Variants in CACNA1A observed in about 807,000 individuals in gnomAD.
CACNA1A encodes calcium voltage-gated channel subunit alpha1 A.
In CACNA1A, 57 loss-of-function variants were observed where a neutral mutation model predicts 262.4. That is an observed-to-expected ratio of 0.22 (90% CI 0.18 to 0.27). The LOEUF is 0.27. Ranked by LOEUF, CACNA1A falls within the 10% of genes least tolerant of loss-of-function variation. CACNA1A has a pLI of 1.00. For missense variants in CACNA1A, 2,526 were observed against 3,562.8 expected (o/e 0.71, Z 7.41); for synonymous variants, 1,431 against 1,419.3 (o/e 1.01, Z -0.18).
chr19:13,452,864 C>G lies in CACNA1A; in HGVS notation c.539+12G>C, dbSNP rs148855231. On this transcript the variant is annotated intron_variant, in intron 3 of 46. Coordinates refer to ENST00000360228, the MANE Select transcript of CACNA1A (RefSeq NM_001127222.2). Reference sequence around the variant, plus strand: ...CTAGTTAAATCCAAAGCGTATAGCACGCGCCACTTACCCCGTTAGCACCAC... The same window carrying G: ...CTAGTTAAATCCAAAGCGTATAGCAGGCGCCACTTACCCCGTTAGCACCAC... 2 of 1,612,488 alleles carry G rather than the reference C, an allele frequency of 1.2e-6. No homozygotes were observed. The highest frequency in any genetic ancestry group is 1.7e-6 in the Non-Finnish European group (2 of 1,178,908).
chr19:13,230,985 ATG>A, intron 35 of CACNA1A, among the ~76,000 whole-genome samples: 1 of 142,358 alleles, frequency 7.0e-6, no homozygotes, highest in Non-Finnish European at 1.5e-5. Flanking sequence ...TTCCCTCGCA[ATG>A]TTTTTTTTTT....
At chr19:13,245,055 T>C in intron 31 of CACNA1A, 127 bp downstream of exon 31, 4 of 784,052 alleles carry the variant, frequency 5.1e-6, no homozygotes, top group South Asian at 3.1e-5. Flanking sequence ...TCTCTGGTCA[T>C]GGCCAAGTGC....
At chr19:13,342,142 A>T (rs1013879533) in intron 6 of CACNA1A, among the ~76,000 whole-genome samples, 2 of 151,854 alleles carry the variant, frequency 1.3e-5, no homozygotes, top group Non-Finnish European at 2.9e-5. Flanking sequence ...TGGAATCAAC[A>T]ATTCCCAGGG....
intron 1 of CACNA1A, among the ~76,000 whole-genome samples, chr19:13,482,721 C>T (rs1391995386): frequency 3.3e-5 from 5 of 152,126 alleles, no homozygotes; most frequent in Non-Finnish European, 5.9e-5. Context: ...GGGGGGCTGA[C>T]CTGTGTGGAT....
At chr19:13,452,098 G>A (rs2060926926) in intron 3 of CACNA1A, 1 of 152,138 alleles carries the variant, frequency 6.6e-6, no homozygotes, top group African/African-American at 2.4e-5. Context: ...GCCTCCCAAA[G>A]TGCTGAGATT....
At chr19:13,291,685 T>C (rs1290810664) in intron 19 of CACNA1A, among the ~76,000 whole-genome samples, 1 of 151,254 alleles carries the variant, frequency 6.6e-6, no homozygotes, top group Non-Finnish European at 1.5e-5. Flanking sequence ...CACGAGACTG[T>C]TGTTCCAGTT....
intron 38 of CACNA1A, among the ~76,000 whole-genome samples, chr19:13,216,595 T>C (rs2055017686): frequency 6.6e-6 from 1 of 152,180 alleles, no homozygotes; most frequent in Non-Finnish European, 1.5e-5. Context: ...CCCAAAGTGC[T>C]GGGATTACAG....
Position 13,284,300 on chromosome 19 carries a change from G to A in CACNA1A, c.3692+768C>T, listed in dbSNP as rs906213313. The A allele has an allele frequency of 4.6e-5, 7 of 152,182 alleles. No individual in the cohort carries two copies. The South Asian group carries it at 6.2e-4, about 14-fold the overall frequency. The allele number at this position is 152,182 out of a possible 1,614,324, so 9.4% of individuals were successfully genotyped here. A position where few individuals can be genotyped will look rare whatever the true frequency, so the allele number is the denominator to read the frequency against. ...CTGGCACTGAGTAGATACCACATAAGTGTTTCCTTAGTAAAATCGATAAGT... is the reference window on the plus strand; with the variant it reads ...CTGGCACTGAGTAGATACCACATAAATGTTTCCTTAGTAAAATCGATAAGT... On this transcript the variant is annotated intron_variant, in intron 21 of 46. Transcript: ENST00000360228.
Position 13,241,558 on chromosome 19 carries a change from G to A in CACNA1A, c.4950+3624C>T, listed in dbSNP as rs376074211. ...GCAGATGTTGAAGATGAGGGGGAGC[G>A]GGCGGGCGGGGGCAGTTGGGGAGGC... On this transcript the variant is annotated intron_variant, in intron 31 of 46. Transcript: ENST00000360228. This position sits in a 1 kb window ranked among gnomAD's most constrained non-coding sequence, Gnocchi z 4.0. 9.9e-5 allele frequency: 119 copies of A among 1,202,094 alleles called. 2 individuals carry two copies. The Admixed American group carries it at 1.3e-3, about 13-fold the overall frequency. 74.5% of individuals were successfully genotyped at this position (1,202,094 alleles called of 1,614,324 possible). A position where few individuals can be genotyped will look rare whatever the true frequency, so the allele number is the denominator to read the frequency against.
At chr19:13,491,565 G>A (rs1980885245) in intron 1 of CACNA1A, among the ~76,000 whole-genome samples, 1 of 152,144 alleles carries the variant, frequency 6.6e-6, no homozygotes, top group Non-Finnish European at 1.5e-5. Context: ...CAGGTTTTGG[G>A]GGTTGGGGAC....
chr19:13,239,524 T>C (rs1287276576), intron 31 of CACNA1A, among the ~76,000 whole-genome samples: 1 of 152,226 alleles, frequency 6.6e-6, no homozygotes, highest in Admixed American at 6.5e-5. Context: ...TAATTCCATC[T>C]GTGGCACCAA....
At chr19:13,406,528 C>T (rs1466074857) in intron 3 of CACNA1A, among the ~76,000 whole-genome samples, 1 of 102,850 alleles carries the variant, frequency 9.7e-6, no homozygotes, top group African/African-American at 3.5e-5. Flanking sequence ...GAATCTGATC[C>T]CTAACATTAG....
At chr19:13,329,783 CT>C (rs148916478) in intron 10 of CACNA1A, among the ~76,000 whole-genome samples, 153 of 138,870 alleles carry the variant, frequency 1.1e-3, no homozygotes, top group Admixed American at 1.2e-3. Context: ...CAGTTTGTGT[CT>C]TTTTTTTTTT....
At chr19:13,220,388 C>T (rs756848834) in intron 38 of CACNA1A, among the ~76,000 whole-genome samples, 30 of 152,094 alleles carry the variant, frequency 2.0e-4, no homozygotes, top group Non-Finnish European at 4.1e-4. Flanking sequence ...ATGGGGAAGT[C>T]AGAGAGAATG....
In CACNA1A at chr19:13,224,449, C is replaced by T. The variant is rs147537598; in HGVS notation, c.5731+218G>A. On this transcript the variant is annotated intron_variant, in intron 38 of 46. Transcript: ENST00000360228. ...CTGCAGTGACTTGCGATCATGTCAC[C>T]GCACTGCTGCCTGGGCAACAGAGCA... Among the ~76,000 whole-genome samples the T allele has an allele frequency of 2.6e-4, 39 of 148,972 alleles. 1 individual carries two copies. Among genetic ancestry groups the T allele is most frequent in the African/African-American group, 9.2e-4 (37 of 40,372 alleles).
intron 3 of CACNA1A, among the ~76,000 whole-genome samples, chr19:13,406,182 T>C (rs2144716435): frequency 6.6e-6 from 1 of 151,504 alleles, no homozygotes; most frequent in South Asian, 2.1e-4. Context: ...AGGACGGGCA[T>C]GGTGGCTCAT....
In CACNA1A at chr19:13,207,760, G is replaced by A. The variant is rs1600074612; in HGVS notation, c.7074C>T (p.Gly2358=). 1 of 1,375,482 alleles carries A rather than the reference G, an allele frequency of 7.3e-7. No homozygotes were observed. Among genetic ancestry groups the A allele is most frequent in the African/African-American group, 1.5e-5 (1 of 65,662 alleles). 85.2% of individuals were successfully genotyped at this position (1,375,482 alleles called of 1,614,324 possible). Residue 2358 remains glycine (G), a synonymous_variant, in exon 47 of 47, where the codon GGC becomes GGT. Coordinates refer to ENST00000360228, the MANE Select transcript of CACNA1A (RefSeq NM_001127222.2). This position sits in a 1 kb window ranked among gnomAD's most constrained non-coding sequence, Gnocchi z 5.7. ...PLAGDRPPTG[G]HSSGRSPRME... The stretch of plus-strand genomic sequence containing the variant: ...TCCTGGGCGAGCGGCCGCTGCTGTG[G>A]CCCCCCGTGGGCGGCCGATCTCCGG...
At chr19:13,323,071 A>G (rs1393501025) in intron 10 of CACNA1A, among the ~76,000 whole-genome samples, 1 of 152,138 alleles carries the variant, frequency 6.6e-6, no homozygotes. Context: ...CAGGAATTCA[A>G]GACCAGCCTG....
intron 3 of CACNA1A, among the ~76,000 whole-genome samples, chr19:13,375,090 C>A (rs1033745108): frequency 7.2e-5 from 11 of 152,162 alleles, no homozygotes; most frequent in Middle Eastern, 3.4e-3. Context: ...ATTTTTTTTC[C>A]AACAGCGTGT....
Sources: allele counts gnomAD v4.1 joint callset (sites outside exome capture counted in the v4.1 genomes callset), GRCh38; gene constraint gnomAD v4.1.1; non-coding constraint Gnocchi (gnomAD v3.1); transcripts MANE v1.5; gene names NCBI Gene and HGNC (gene_info 2026-07-23, HGNC 2026-07-21).